FMN1: variants seen among roughly 807,000 people sequenced by gnomAD.
FMN1 encodes the protein formin 1.
A neutral mutation model predicts 132.4 loss-of-function variants in FMN1; 110 were observed. The ratio of observed to expected loss-of-function variants is 0.83; its 90% CI spans 0.71 to 0.97. FMN1 has a LOEUF of 0.97. Ranked by LOEUF, FMN1 falls within the 50% of genes least tolerant of loss-of-function variation. FMN1 has a pLI of 0.00. For synonymous variants in FMN1, 722 were observed against 651.7 expected, an observed-to-expected ratio of 1.11 and a Z score of -1.64; for missense variants, 1,792 against 1,705.3, an observed-to-expected ratio of 1.05 and a Z score of -0.90.
At position 32,937,348 on chromosome 15, in the gene FMN1, G is replaced by C. The variant is rs571850672; in HGVS notation, c.3139-11087C>G. 3.3e-5 allele frequency among the ~76,000 whole-genome samples: 5 copies of C among 152,266 alleles called. 1 individual carries two copies. Among genetic ancestry groups the C allele is most frequent in the African/African-American group, 1.2e-4 (5 of 41,552 alleles). The stretch of plus-strand genomic sequence containing the variant: ...GTAGTTTTCTCTAAATCAATGTATT[G>C]TGCCAGAAAGGGAGTCAGATGAGTG... On this transcript the variant is annotated intron_variant, in intron 9 of 20. Coordinates refer to ENST00000616417, the MANE Select transcript of FMN1 (RefSeq NM_001277313.2).
rs1323397515 is a variant in FMN1, at chr15:33,069,103, C to CTT, written c.2044-4030_2044-4029insAA. Among the ~76,000 whole-genome samples the CTT allele has an allele frequency of 5.3e-5, 8 of 152,342 alleles. No homozygotes were observed. The East Asian group carries it at 1.5e-3, about 29-fold the overall frequency. On this transcript the variant is annotated intron_variant, in intron 5 of 20. Transcript: ENST00000616417. Reference sequence around the variant, plus strand: ...AAAGGGCAAAACATCTGAAAAGTCTCTATCAGTCAGATCTCTATCACAGAC... The same window carrying CTT: ...AAAGGGCAAAACATCTGAAAAGTCTCTTTATCAGTCAGATCTCTATCACAGAC...
At chr15:33,089,742 T>G (rs1264814081) in intron 4 of FMN1, among the ~76,000 whole-genome samples, 3 of 152,240 alleles carry the variant, frequency 2.0e-5, no homozygotes, top group Non-Finnish European at 2.9e-5. Context: ...AAGCTAGGAC[T>G]TGAACCCAGG....
At chr15:32,977,288 C>T (rs764274587) in intron 7 of FMN1, among the ~76,000 whole-genome samples, 1 of 152,190 alleles carries the variant, frequency 6.6e-6, no homozygotes, top group South Asian at 2.1e-4. Flanking sequence ...CACCTTATCA[C>T]TGATCCTCAA....
At chr15:32,940,226 T>C (rs1268387845) in intron 9 of FMN1, among the ~76,000 whole-genome samples, 1 of 152,182 alleles carries the variant, frequency 6.6e-6, no homozygotes, top group Non-Finnish European at 1.5e-5. Context: ...AACATCATGA[T>C]GTAGTAAACC....
chr15:32,929,286 T>C (rs973320783), intron 9 of FMN1, among the ~76,000 whole-genome samples: 6 of 152,216 alleles, frequency 3.9e-5, no homozygotes, highest in African/African-American at 1.4e-4. Flanking sequence ...TAGCCACTCT[T>C]GTGAAATACC....
At chr15:32,791,971 T>C (rs1314111125) in intron 19 of FMN1, among the ~76,000 whole-genome samples, 3 of 151,766 alleles carry the variant, frequency 2.0e-5, no homozygotes, top group East Asian at 3.9e-4. Context: ...GCTGTGAAAA[T>C]AGTTGGGACT....
intron 7 of FMN1, among the ~76,000 whole-genome samples, chr15:32,980,597 T>A (rs956515563): frequency 6.6e-6 from 1 of 152,246 alleles, no homozygotes; most frequent in Non-Finnish European, 1.5e-5. Flanking sequence ...GGTACTTGGT[T>A]AACCATTTTC....
chr15:33,128,461 G>A (rs1275006416), intron 4 of FMN1, among the ~76,000 whole-genome samples: 4 of 152,118 alleles, frequency 2.6e-5, no homozygotes, highest in Non-Finnish European at 5.9e-5. Context: ...CTATGACATT[G>A]CAAGGTCCAT....
chr15:33,067,889 C>T lies in FMN1; in HGVS notation c.2044-2815G>A, dbSNP rs1429325373. ...AGAATTATCAACGTTCTCCATGTCT[C>T]AGTAATGCCCTTGGTGGAAGTTCTG... On this transcript the variant is annotated intron_variant, in intron 5 of 20. Coordinates refer to ENST00000616417, the MANE Select transcript of FMN1 (RefSeq NM_001277313.2). 1.9e-6 allele frequency: 3 copies of T among 1,599,790 alleles called. No individual in the cohort carries two copies. In the African/African-American group the frequency reaches 4.0e-5, roughly 21 times the overall value.
At chr15:32,985,561 A>G (rs1490522376) in intron 7 of FMN1, among the ~76,000 whole-genome samples, 1 of 152,150 alleles carries the variant, frequency 6.6e-6, no homozygotes, top group Non-Finnish European at 1.5e-5. Context: ...GAACTGTAAT[A>G]TTAAGTAGTG....
chr15:33,034,571 TGTCTCAA>T (rs748706314), intron 6 of FMN1, among the ~76,000 whole-genome samples: 5 of 152,104 alleles, frequency 3.3e-5, no homozygotes, highest in Non-Finnish European at 7.4e-5. Flanking sequence ...AGAGAGACCT[TGTCTCAA>T]AACAAATAAA....
intron 4 of FMN1, among the ~76,000 whole-genome samples, chr15:33,125,778 CCACT>C (rs1963002689): frequency 6.6e-6 from 1 of 151,968 alleles, no homozygotes; most frequent in Non-Finnish European, 1.5e-5. Context: ...GTAAAAACTC[CCACT>C]GTTTTAGTGA....
At chr15:32,790,865 T>C (rs946434558) in intron 19 of FMN1, among the ~76,000 whole-genome samples, 1 of 152,194 alleles carries the variant, frequency 6.6e-6, no homozygotes, top group Non-Finnish European at 1.5e-5. Context: ...AAGATACACA[T>C]AAACTGCTAA....
At chr15:33,120,997 T>C (rs749566392) in intron 4 of FMN1, among the ~76,000 whole-genome samples, 1 of 152,022 alleles carries the variant, frequency 6.6e-6, no homozygotes, top group Non-Finnish European at 1.5e-5. Context: ...TTGATAGAGG[T>C]TTTAGTCTTA....
At chr15:33,170,773 C>T (rs1965289424) in intron 3 of FMN1, among the ~76,000 whole-genome samples, 2 of 152,098 alleles carry the variant, frequency 1.3e-5, no homozygotes, top group African/African-American at 2.4e-5. Flanking sequence ...AAAGGGAACT[C>T]ATACACTGTT....
chr15:32,909,555 A>T (rs370641620), intron 11 of FMN1, among the ~76,000 whole-genome samples: 1 of 152,206 alleles, frequency 6.6e-6, no homozygotes, highest in Non-Finnish European at 1.5e-5. Context: ...TAAGAAACTT[A>T]AGGTCCCAGG....
chr15:33,009,757 G>A (rs1253762255), intron 6 of FMN1, among the ~76,000 whole-genome samples: 6 of 152,280 alleles, frequency 3.9e-5, no homozygotes, highest in South Asian at 4.1e-4. Flanking sequence ...CAAGGAAGTA[G>A]AATAATTTTC....
chr15:33,012,486 T>C, intron 6 of FMN1: 5 of 1,254,742 alleles, frequency 4.0e-6, no homozygotes, highest in Non-Finnish European at 3.5e-6. Context: ...TAAGAGATTA[T>C]TTTCAACAGT....
At chr15:33,078,418 T>C (rs1392291749) in intron 5 of FMN1, among the ~76,000 whole-genome samples, 1 of 152,166 alleles carries the variant, frequency 6.6e-6, no homozygotes, top group Non-Finnish European at 1.5e-5. Flanking sequence ...CAAGTATATA[T>C]AGGACTACTG....
Sources: allele counts gnomAD v4.1 joint callset (sites outside exome capture counted in the v4.1 genomes callset), GRCh38; gene constraint gnomAD v4.1.1; transcripts MANE v1.5; gene names NCBI Gene and HGNC (gene_info 2026-07-23, HGNC 2026-07-21).